Variants in MDGA2 observed in about 807,000 individuals in gnomAD.
The protein encoded by MDGA2 is MAM domain containing glycosylphosphatidylinositol anchor 2.
Under a neutral mutation model 117.8 loss-of-function variants are expected in MDGA2, and 40 were observed. That is an observed-to-expected ratio of 0.34 (90% CI 0.26 to 0.44). The LOEUF (loss-of-function observed/expected upper bound fraction) is 0.44. Ranked by LOEUF, MDGA2 falls within the 20% of genes least tolerant of loss-of-function variation. MDGA2 has a pLI of 1.00. For synonymous variants in MDGA2, 452 were observed against 439.0 expected, an observed-to-expected ratio of 1.03 and a Z score of -0.37; for missense variants, 1,123 against 1,250.6, an observed-to-expected ratio of 0.90 and a Z score of 1.54.
At chr14:46,862,388 G>T (rs1231181007) in intron 14 of MDGA2, among the ~76,000 whole-genome samples, 1 of 149,046 alleles carries the variant, frequency 6.7e-6, no homozygotes, top group South Asian at 2.1e-4. Context: ...GCAATAGCCT[G>T]ATTATTATTT....
chr14:47,099,195 A>C (rs2138988910), intron 5 of MDGA2, among the ~76,000 whole-genome samples: 1 of 152,004 alleles, frequency 6.6e-6, no homozygotes, highest in South Asian at 2.1e-4. Context: ...TTAATACCAA[A>C]ATTTGCTAGC....
At chr14:46,895,499 G>T (rs1883039520) in intron 10 of MDGA2, among the ~76,000 whole-genome samples, 2 of 152,172 alleles carry the variant, frequency 1.3e-5, no homozygotes, top group Admixed American at 1.3e-4. Flanking sequence ...GCCGAGGCGG[G>T]TGGATCACCT....
At chr14:47,316,244 A>C (rs969579285) in intron 1 of MDGA2, among the ~76,000 whole-genome samples, 2 of 152,130 alleles carry the variant, frequency 1.3e-5, no homozygotes, top group Non-Finnish European at 2.9e-5. Context: ...TGAAATCTCC[A>C]TGTATGGAGC....
intron 3 of MDGA2, among the ~76,000 whole-genome samples, chr14:47,176,802 G>C (rs979199116): frequency 6.6e-6 from 1 of 152,064 alleles, no homozygotes; most frequent in African/African-American, 2.4e-5. Flanking sequence ...TTGACAAATG[G>C]GATCTAATTA....
intron 6 of MDGA2, among the ~76,000 whole-genome samples, chr14:47,079,156 C>A (rs956625368): frequency 6.6e-6 from 1 of 151,994 alleles, no homozygotes; most frequent in Admixed American, 6.6e-5. Flanking sequence ...TAATAAAATA[C>A]CCTTTGTAAT....
At chr14:47,400,167 T>C (rs1258706693) in intron 1 of MDGA2, among the ~76,000 whole-genome samples, 2 of 152,188 alleles carry the variant, frequency 1.3e-5, no homozygotes, top group Non-Finnish European at 2.9e-5. Flanking sequence ...CATATTCCTT[T>C]ACTATGATTT....
At chr14:47,561,085 G>C (rs975408982) in intron 1 of MDGA2, among the ~76,000 whole-genome samples, 1 of 148,184 alleles carries the variant, frequency 6.7e-6, no homozygotes, top group Non-Finnish European at 1.5e-5. Context: ...CGCTATTTTG[G>C]TTACTTTGGC....
At chr14:47,457,840 T>C (rs1893391400) in intron 1 of MDGA2, among the ~76,000 whole-genome samples, 1 of 151,798 alleles carries the variant, frequency 6.6e-6, no homozygotes, top group Admixed American at 6.6e-5. Context: ...TTTATTTGTT[T>C]GTTTAACTTT....
chr14:47,533,895 G>T (rs1440675031), intron 1 of MDGA2, among the ~76,000 whole-genome samples: 1 of 152,188 alleles, frequency 6.6e-6, no homozygotes, highest in Non-Finnish European at 1.5e-5. Context: ...AGTAAAGACA[G>T]TAAGCAAAAA....
At chr14:47,228,924 C>T (rs897812087) in intron 2 of MDGA2, among the ~76,000 whole-genome samples, 5 of 152,080 alleles carry the variant, frequency 3.3e-5, no homozygotes, top group African/African-American at 4.8e-5. Flanking sequence ...GCCACTTAGG[C>T]ACCCTCTGCC....
chr14:47,107,169 C>G (rs969789764), intron 5 of MDGA2, among the ~76,000 whole-genome samples: 2 of 151,662 alleles, frequency 1.3e-5, no homozygotes, highest in Non-Finnish European at 2.9e-5. Context: ...CCACTCAAGG[C>G]CAATATCCCA....
chr14:47,607,313 C>T (rs56355789), intron 1 of MDGA2, among the ~76,000 whole-genome samples: 8 of 152,216 alleles, frequency 5.3e-5, no homozygotes, highest in Non-Finnish European at 1.2e-4. Flanking sequence ...ATTTCAATTT[C>T]ATTTATAGTT....
At chr14:47,394,939 G>A (rs1269352155) in intron 1 of MDGA2, among the ~76,000 whole-genome samples, 2 of 152,082 alleles carry the variant, frequency 1.3e-5, no homozygotes, top group Non-Finnish European at 2.9e-5. Context: ...GATTACTTGA[G>A]GGCAGGAGTT....
intron 5 of MDGA2, among the ~76,000 whole-genome samples, chr14:47,111,981 T>C (rs1014274483): frequency 7.9e-5 from 12 of 152,126 alleles, no homozygotes; most frequent in East Asian, 1.9e-4. Flanking sequence ...AGGATGTAGA[T>C]TGTCTGACTG....
chr14:47,067,079 C>T (rs1890112781), intron 6 of MDGA2, among the ~76,000 whole-genome samples: 1 of 152,246 alleles, frequency 6.6e-6, no homozygotes, highest in Non-Finnish European at 1.5e-5. Flanking sequence ...CAGGCCACTG[C>T]ACTCCAGCCT....
chr14:47,582,383 T>C (rs1308827480), intron 1 of MDGA2, among the ~76,000 whole-genome samples: 1 of 151,902 alleles, frequency 6.6e-6, no homozygotes, highest in African/African-American at 2.4e-5. Flanking sequence ...GTGATGAGAA[T>C]GGCTTTTACA....
intron 5 of MDGA2, among the ~76,000 whole-genome samples, chr14:47,119,704 T>C (rs1253408199): frequency 6.6e-6 from 1 of 152,192 alleles, no homozygotes; most frequent in Non-Finnish European, 1.5e-5. Flanking sequence ...TCAAGGGAAT[T>C]AGAAAGACAT....
chr14:47,586,931 T>G (rs1264418764), intron 1 of MDGA2, among the ~76,000 whole-genome samples: 1 of 151,992 alleles, frequency 6.6e-6, no homozygotes, highest in Non-Finnish European at 1.5e-5. Flanking sequence ...GTCCATTGCA[T>G]TGTCTTTCTT....
At chr14:47,475,136 GA>G (rs1368573210) in intron 1 of MDGA2, among the ~76,000 whole-genome samples, 1 of 151,814 alleles carries the variant, frequency 6.6e-6, no homozygotes, top group Non-Finnish European at 1.5e-5. Flanking sequence ...CAAATTTAAA[GA>G]AAAAACAACC....
Sources: allele counts gnomAD v4.1 joint callset (sites outside exome capture counted in the v4.1 genomes callset), GRCh38; gene constraint gnomAD v4.1.1; transcripts MANE v1.5; gene names NCBI Gene and HGNC (gene_info 2026-07-23, HGNC 2026-07-21).